Variants in LY75 observed in about 807,000 individuals in gnomAD.
The protein encoded by LY75 is lymphocyte antigen 75, also known as C-type lectin domain family 13 member B.
In LY75, 185 loss-of-function variants were observed where a neutral mutation model predicts 231.7. The observed-to-expected ratio is 0.80, with a 90% CI of 0.71 to 0.90. The LOEUF is 0.90. Ranked by LOEUF, LY75 falls within the 40% of genes least tolerant of loss-of-function variation. The pLI, the probability that LY75 is intolerant of heterozygous loss-of-function variation, is 0.00. For missense variants in LY75, 1,947 were observed against 2,050.2 expected, an observed-to-expected ratio of 0.95 and a Z score of 0.97; for synonymous variants, 668 against 689.0, an observed-to-expected ratio of 0.97 and a Z score of 0.48.
intron 23 of LY75, among the ~76,000 whole-genome samples, chr2:159,849,406 G>C (rs575279727): frequency 6.6e-6 from 1 of 152,040 alleles, no homozygotes; most frequent in South Asian, 2.1e-4. Flanking sequence ...TTAGCTCTTG[G>C]GGAAAAATGA....
intron 8 of LY75, among the ~76,000 whole-genome samples, chr2:159,880,334 T>A (rs1685396317): frequency 6.6e-6 from 1 of 152,218 alleles, no homozygotes; most frequent in East Asian, 1.9e-4. Flanking sequence ...CTGAAAAATG[T>A]TAGGCCTAGT....
intron 4 of LY75, 140 bp downstream of exon 4, chr2:159,890,073 G>A (rs528400218): frequency 7.5e-6 from 8 of 1,069,178 alleles, no homozygotes; most frequent in Non-Finnish European, 1.0e-5. Context: ...TTTTGCTTAT[G>A]GGTTTCAGTG....
In LY75 at chr2:159,833,196, C is replaced by G. The variant is rs74654194; in HGVS notation, c.3841+848G>C. On this transcript the variant is annotated intron_variant, in intron 27 of 34. Transcript: ENST00000263636. The stretch of plus-strand genomic sequence containing the variant: ...GGCTGGAGTGCAGGTGGTTCAATCA[C>G]AGCTCACTGCACCTTCAACCTCTTG... Among the ~76,000 whole-genome samples, 1,429 of 148,246 alleles carry G rather than the reference C, an allele frequency of 9.6e-3. 11 individuals are homozygous for G. The highest frequency in any genetic ancestry group is 0.015 in the Non-Finnish European group (1,031 of 67,602).
At position 159,805,099 on chromosome 2, in the gene LY75, C is replaced by G. The variant is rs34034503; in HGVS notation, c.5114G>C (p.Arg1705Pro). 2,244 of 1,614,068 alleles carry G rather than the reference C, an allele frequency of 1.4e-3. 4 individuals carry two copies. The highest frequency in any genetic ancestry group is 2.2e-3 in the Admixed American group (130 of 60,022). Residue 1705 changes from arginine to proline, a missense_variant, in exon 35 of 35, where the codon CGA (arginine) becomes CCA (proline). Coordinates refer to ENST00000263636, the MANE Select transcript of LY75 (RefSeq NM_002349.4). The stretch of plus-strand genomic sequence containing the variant: ...ATCTTCATTCACTCCTTGTGCATAT[C>G]GAACTGATGAGAAACCCGCCAGGTG... ...RLHLAGFSSV[R>P]YAQGVNEDEI... is the part of the protein sequence containing the mutation.
At chr2:159,899,802 T>C (rs913929308) in intron 1 of LY75, among the ~76,000 whole-genome samples, 2 of 152,124 alleles carry the variant, frequency 1.3e-5, no homozygotes, top group Non-Finnish European at 2.9e-5. Flanking sequence ...AGCAGAACAG[T>C]GGGGTACAGA....
intron 28 of LY75, 91 bp downstream of exon 28, chr2:159,831,579 T>G: frequency 7.3e-7 from 1 of 1,363,380 alleles, no homozygotes; most frequent in East Asian, 2.3e-5. Context: ...CACGTATTGA[T>G]AGACATGTAC....
At position 159,850,068 on chromosome 2, in the gene LY75, T is replaced by C. The variant is rs1454601098; in HGVS notation, c.3062A>G (p.Lys1021Arg). ...TCTGTTATCTGTCCATTTGTTTATCTTTTCATAGGCAGTCCAGCGCAAACC... is the reference window on the plus strand; with the variant it reads ...TCTGTTATCTGTCCATTTGTTTATCCTTTCATAGGCAGTCCAGCGCAAACC... The part of the protein sequence containing the change: ...WIGLRWTAYE[K>R]INKWTDNREL... The change falls in exon 23 of 35, where the codon AAG (lysine) becomes AGG (arginine). Residue 1021 changes from lysine to arginine, a missense_variant. By Grantham distance (26) the Lys-to-Arg change is conservative (BLOSUM62 2). Transcript: ENST00000263636. 6.2e-7 allele frequency: 1 copy of C among 1,614,014 alleles called. No homozygotes were observed. The highest frequency in any genetic ancestry group is 8.5e-7 in the Non-Finnish European group (1 of 1,179,938).
At position 159,854,459 on chromosome 2, in the gene LY75, G is replaced by C; in HGVS notation, c.2496C>G (p.Asn832Lys). The C allele has an allele frequency of 1.2e-6, 2 of 1,613,704 alleles. No homozygotes were observed. The highest frequency in any genetic ancestry group is 3.3e-4 in the Middle Eastern group (2 of 6,060). ...EYWFVADLHL[N>K]YEEAVLYCAS... ...CACAGTACAGGACGGCTTCTTCATA[G>C]TTTAGGTGAAGATCAGCAACAAACC... The change falls in exon 18 of 35, where the codon AAC (asparagine) becomes AAG (lysine). Residue 832 changes from asparagine (N) to lysine (K), a missense_variant. Coordinates refer to ENST00000263636, the MANE Select transcript of LY75 (RefSeq NM_002349.4).
intron 12 of LY75, among the ~76,000 whole-genome samples, chr2:159,872,978 T>C (rs979806530): frequency 5.3e-5 from 8 of 152,056 alleles, no homozygotes; most frequent in African/African-American, 1.9e-4. Flanking sequence ...ACAATAGAAA[T>C]TTCGAATATA....
At chr2:159,870,566 A>G (rs1684980975) in intron 13 of LY75, among the ~76,000 whole-genome samples, 1 of 152,108 alleles carries the variant, frequency 6.6e-6, no homozygotes, top group Non-Finnish European at 1.5e-5. Flanking sequence ...GTGCAGTGGC[A>G]CTATCTTGTC....
chr2:159,827,753 G>A (rs1040967526), intron 28 of LY75, among the ~76,000 whole-genome samples: 26 of 152,106 alleles, frequency 1.7e-4, no homozygotes, highest in African/African-American at 6.3e-4. Flanking sequence ...GTGGCACATA[G>A]ATACCATAGA....
At chr2:159,861,641 G>C (rs576746376) in intron 14 of LY75, among the ~76,000 whole-genome samples, 2 of 151,992 alleles carry the variant, frequency 1.3e-5, no homozygotes, top group East Asian at 3.9e-4. Context: ...GAGAGGCTGA[G>C]ACATGAGGAT....
chr2:159,810,565 G>T lies in LY75; in HGVS notation c.4660C>A (p.His1554Asn). 6.2e-7 allele frequency: 1 copy of T among 1,614,018 alleles called. No homozygotes were observed. Among genetic ancestry groups the T allele is most frequent in the Non-Finnish European group, 8.5e-7 (1 of 1,179,984 alleles). ...AATTTTTTGGCCTCTGAAAAACTGT[G>T]CAATGCCTGATCAGACTTGTAACAG... ...GHCYKSDQAL[H>N]SFSEAKKLCS... Residue 1554 changes from histidine to asparagine, a missense_variant, in exon 32 of 35, where the codon CAC (histidine) becomes AAC (asparagine). By Grantham distance (68) the His-to-Asn change is moderately conservative. Coordinates refer to ENST00000263636, the MANE Select transcript of LY75 (RefSeq NM_002349.4).
chr2:159,842,438 A>G (rs1684065862), intron 23 of LY75, 64 bp from the exon 24 acceptor site: 2 of 1,506,760 alleles, frequency 1.3e-6, no homozygotes, highest in Non-Finnish European at 1.8e-6. Context: ...CCTAGCAAGA[A>G]AAGTTTAGAT....
At position 159,886,435 on chromosome 2, in the gene LY75, G is replaced by A. The variant is rs757169514; in HGVS notation, c.898C>T (p.Leu300Phe). 6.2e-7 allele frequency: 1 copy of A among 1,607,958 alleles called. No individual in the cohort carries two copies. The highest frequency in any genetic ancestry group is 1.1e-5 in the South Asian group (1 of 90,502). The part of the protein sequence containing the change: ...EWSDHKPLNF[L>F]NWDPDRPSAP... The stretch of plus-strand genomic sequence containing the variant: ...GAGCAGTTACCTGGATCCCAGTTGA[G>A]AAAGTTTAATGGTTTGTGGTCTGAC... The change falls in exon 5 of 35, where the codon CTC becomes TTC. Residue 300 changes from leucine to phenylalanine, a missense_variant. By Grantham distance (22) the Leu-to-Phe change is conservative (BLOSUM62 0). Transcript: ENST00000263636.
chr2:159,861,060 G>A lies in LY75; in HGVS notation c.2200-171C>T, dbSNP rs150648111. 1.2e-3 allele frequency among the ~76,000 whole-genome samples: 179 copies of A among 152,268 alleles called. No homozygotes were observed. The Middle Eastern group carries it at 0.051, about 43-fold the overall frequency. ...TAAATCATGAGAGGACTTAGCAAAT[G>A]TCATAATGTCATAAGTTTCCAAACA... is the stretch of plus-strand genomic sequence containing the variant. On this transcript the variant is annotated intron_variant, in intron 14 of 34. Coordinates refer to ENST00000263636, the MANE Select transcript of LY75 (RefSeq NM_002349.4).
At chr2:159,870,515 A>G (rs1042272292) in intron 13 of LY75, among the ~76,000 whole-genome samples, 10 of 151,938 alleles carry the variant, frequency 6.6e-5, no homozygotes, top group Non-Finnish European at 1.3e-4. Flanking sequence ...CTATTCATTT[A>G]TTTTTTACAG....
chr2:159,855,914 A>G (rs1256749017), intron 16 of LY75, among the ~76,000 whole-genome samples: 1 of 152,198 alleles, frequency 6.6e-6, no homozygotes, highest in Non-Finnish European at 1.5e-5. Flanking sequence ...CAGGCATCAG[A>G]AGACCTGACT....
At chr2:159,872,389 C>T in intron 13 of LY75, 62 bp downstream of exon 13, 2 of 1,565,514 alleles carry the variant, frequency 1.3e-6, no homozygotes, top group Non-Finnish European at 1.7e-6. Context: ...AAGAACATGT[C>T]AATTTTGAAT....
Sources: gnomAD v4.1 joint callset for allele counts (sites outside exome capture counted in the v4.1 genomes callset) on GRCh38, gnomAD v4.1.1 for gene constraint, MANE v1.5 for transcripts, NCBI Gene and HGNC (gene_info 2026-07-23, HGNC 2026-07-21) for gene names.